PROZ: variants seen among roughly 807,000 people sequenced by gnomAD.
PROZ encodes the protein vitamin K-dependent protein Z.
In PROZ, 46 loss-of-function variants were observed where a neutral mutation model predicts 34.9. The ratio of observed to expected loss-of-function variants is 1.32; its 90% CI spans 1.04 to 1.69. PROZ has a LOEUF of 1.69. PROZ is among the 40% of genes most tolerant of loss of function. The probability of loss-of-function intolerance (pLI) is 0.00; values close to 1 mark genes in which losing one functional copy is unlikely to be tolerated. For missense variants in PROZ, 530 were observed against 520.4 expected (o/e 1.02, Z -0.18); for synonymous variants, 195 against 208.5 (o/e 0.94, Z 0.56).
chr13:113,163,996 T>C (rs999323510), intron 4 of PROZ, among the ~76,000 whole-genome samples: 2 of 151,980 alleles, frequency 1.3e-5, no homozygotes, highest in Admixed American at 1.3e-4. Context: ...TATTTTATTT[T>C]TGAGATGGAG....
chr13:113,165,108 C>G lies in PROZ; in HGVS notation c.561C>G (p.Asp187Glu), dbSNP rs780445721. ...TSEKRAPDLQ[D>E]LPWQVKLTNS... Reference sequence around the variant, plus strand: ...AGAAGCGTGCACCGGATCTACAGGACCTCCCGTGGCAGGTAACAGAGCGCT... The same window carrying G: ...AGAAGCGTGCACCGGATCTACAGGAGCTCCCGTGGCAGGTAACAGAGCGCT... Residue 187 changes from aspartate (D) to glutamate (E), a missense_variant, in exon 6 of 8, where the codon GAC (aspartate) becomes GAG (glutamate). Asp to Glu is a conservative substitution (Grantham distance 45). Coordinates refer to ENST00000375547, the MANE Select transcript of PROZ (RefSeq NM_003891.3). 4.3e-6 allele frequency: 7 copies of G among 1,611,848 alleles called. No homozygotes were observed. The highest frequency in any genetic ancestry group is 1.7e-5 in the Admixed American group (1 of 60,004).
intron 5 of PROZ, 129 bp downstream of exon 5, chr13:113,164,773 G>A: frequency 7.0e-7 from 1 of 1,427,912 alleles, no homozygotes. Flanking sequence ...TCAGAAGGTG[G>A]TCCGCGTCTC....
At chr13:113,163,260 A>G in intron 4 of PROZ, 138 bp downstream of exon 4, 1 of 750,696 alleles carries the variant, frequency 1.3e-6, no homozygotes, top group African/African-American at 1.7e-5. Flanking sequence ...GGCTCACCCC[A>G]GGGGATTCCT....
Position 113,171,640 on chromosome 13 carries a change from C to G in PROZ, c.738C>G (p.His246Gln). 6.2e-7 allele frequency: 1 copy of G among 1,614,144 alleles called. No homozygotes were observed. The highest frequency in any genetic ancestry group is 1.6e-4 in the Middle Eastern group (1 of 6,062). Residue 246 changes from histidine to glutamine, a missense_variant, in exon 8 of 8, where the codon CAC becomes CAG. Coordinates refer to ENST00000375547, the MANE Select transcript of PROZ (RefSeq NM_003891.3). This position sits in a 1 kb window ranked among gnomAD's most constrained non-coding sequence, Gnocchi z 5.1. ...ACCCGCTGATGATCAAGATAACGCA[C>G]GTCCATGTGCACATGCGGTATGACG... ...SQDPLMIKITHVHVHMRYDAD... is the reference protein window; with the variant it reads ...SQDPLMIKITQVHVHMRYDAD...
At chr13:113,164,108 T>C (rs2036840885) in intron 4 of PROZ, among the ~76,000 whole-genome samples, 1 of 151,830 alleles carries the variant, frequency 6.6e-6, no homozygotes, top group Non-Finnish European at 1.5e-5. Flanking sequence ...GCCTCCCGAG[T>C]AACTGGGACT....
chr13:113,172,366 T>C lies in PROZ; in HGVS notation c.*261T>C, dbSNP rs1044506472. On this transcript the variant is annotated 3_prime_UTR_variant, in exon 8 of 8. Transcript: ENST00000375547. ...AGATACGTTAAATAATAAAATAAGA[T>C]AATCTGTCAGTCATAAAGCAGCCTG... 2 of 502,516 alleles carry C rather than the reference T, an allele frequency of 4.0e-6. No homozygotes were observed. The highest frequency in any genetic ancestry group is 3.9e-5 in the African/African-American group (2 of 51,706). The allele number at this position is 502,516 out of a possible 1,614,324, so 31.1% of individuals were successfully genotyped here.
intron 3 of PROZ, 81 bp downstream of exon 3, chr13:113,161,053 C>A: frequency 7.9e-7 from 1 of 1,261,566 alleles, no homozygotes; most frequent in Non-Finnish European, 1.2e-6. Context: ...GCTTCACGAC[C>A]CCAGCTCAGC....
At position 113,160,143 on chromosome 13, in the gene PROZ, A is replaced by C. The variant is rs751892197; in HGVS notation, c.200A>C (p.Glu67Ala). ...TATGAAGAAATCTGTGTCTATGAAG[A>C]AGCAAGAGAAGTGTTTGAAAATGAA... ...ECYEEICVYE[E>A]AREVFENEVV... Residue 67 changes from glutamate to alanine, a missense_variant, in exon 2 of 8, where the codon GAA (glutamate) becomes GCA (alanine). Transcript: ENST00000375547. The C allele has an allele frequency of 8.7e-6, 14 of 1,614,174 alleles. No homozygotes were observed. Among genetic ancestry groups the C allele is most frequent in the Non-Finnish European group, 1.2e-5 (14 of 1,180,034 alleles).
chr13:113,160,920 G>A (rs2036747985), intron 2 of PROZ, 28 bp from the exon 3 acceptor site: 1 of 1,577,514 alleles, frequency 6.3e-7, no homozygotes, highest in Admixed American at 1.7e-5. Flanking sequence ...TATCCCATTT[G>A]TAACATTTTT....
rs757589143 is a variant in PROZ, at chr13:113,172,059, C to T, written c.1157C>T (p.Thr386Ile). The change falls in exon 8 of 8, where the codon ACC becomes ATC. Residue 386 changes from threonine (T) to isoleucine (I), a missense_variant. By Grantham distance (89) the Thr-to-Ile change is moderately conservative. Transcript: ENST00000375547. ...VGGQAHMVLV[T>I]KVSRYSLWFK... The stretch of plus-strand genomic sequence containing the variant: ...GGGCAGGCTCACATGGTCCTTGTCA[C>T]CAAGGTCTCCAGGTACTCACTCTGG... 9.7e-5 allele frequency: 156 copies of T among 1,612,930 alleles called. No homozygotes were observed. The highest frequency in any genetic ancestry group is 1.3e-4 in the Non-Finnish European group (151 of 1,180,026).
chr13:113,160,968 T>C lies in PROZ; in HGVS notation c.255T>C (p.Tyr85=), dbSNP rs3024723. The C allele has an allele frequency of 1.4e-3, 2,257 of 1,606,574 alleles. 35 individuals carry two copies. The African/African-American group carries it at 0.025, about 18-fold the overall frequency. The stretch of plus-strand genomic sequence containing the variant: ...TAAAGGATGAATTCTGGAGACGATA[T>C]AAGGGTAAGTGGTTTCCTTCGTCTC... ...EVVTDEFWRR[Y]KGGSPCISQP... is the part of the protein sequence containing the mutation. The change falls in exon 3 of 8, where the codon TAT becomes TAC. Residue 85 remains tyrosine (Y), a synonymous_variant. Coordinates refer to ENST00000375547, the MANE Select transcript of PROZ (RefSeq NM_003891.3).
Position 113,158,734 on chromosome 13 carries a change from G to A in PROZ, c.70+4G>A, listed in dbSNP as rs1236615248. 11 of 1,600,476 alleles carry A rather than the reference G, an allele frequency of 6.9e-6. No individual in the cohort carries two copies. Among genetic ancestry groups the A allele is most frequent in the Non-Finnish European group, 9.4e-6 (11 of 1,173,950 alleles). On this transcript the variant is annotated splice_donor_region_variant and intron_variant, in intron 1 of 7. Transcript: ENST00000375547. The surrounding 1 kb of genome is among the most constrained non-coding windows in gnomAD (Gnocchi z 4.3). ...CTCCATCGTGTGGAGCCCTCAGGTA[G>A]GCATCTGGCTTACCTGTCTGTTGTG...
intron 4 of PROZ, among the ~76,000 whole-genome samples, 154 bp downstream of exon 4, chr13:113,163,276 CCCAA>C (rs1175705022): frequency 6.6e-6 from 1 of 152,184 alleles, no homozygotes; most frequent in Non-Finnish European, 1.5e-5. Context: ...TTCCTCTCAT[CCCAA>C]CCAGATTCTC....
chr13:113,161,839 C>T (rs563562885), intron 3 of PROZ, among the ~76,000 whole-genome samples: 83 of 111,294 alleles, frequency 7.5e-4, no homozygotes, highest in African/African-American at 2.6e-3. Flanking sequence ...GTCCCTGCCA[C>T]GTCCCCCCAT....
At chr13:113,166,965 T>C (rs925751811) in intron 6 of PROZ, among the ~76,000 whole-genome samples, 2 of 152,216 alleles carry the variant, frequency 1.3e-5, no homozygotes, top group South Asian at 2.1e-4. Context: ...AGCTGGTGTG[T>C]TTAAGACAGA....
In PROZ at chr13:113,172,322, G is replaced by C; in HGVS notation, c.*217G>C. 1 of 604,964 alleles carries C rather than the reference G, an allele frequency of 1.7e-6. No individual in the cohort carries two copies. Among genetic ancestry groups the C allele is most frequent in the Non-Finnish European group, 2.9e-6 (1 of 343,998 alleles). 37.5% of individuals were successfully genotyped at this position (604,964 alleles called of 1,614,324 possible). Reference sequence around the variant, plus strand: ...CCCTGGAACTCTTTATCTCAATAGAGACCTTAAAAGAAAACATGAGATACG... The same window carrying C: ...CCCTGGAACTCTTTATCTCAATAGACACCTTAAAAGAAAACATGAGATACG... On this transcript the variant is annotated 3_prime_UTR_variant, in exon 8 of 8. Transcript: ENST00000375547.
At position 113,171,991 on chromosome 13, in the gene PROZ, C is replaced by T. The variant is rs777793894; in HGVS notation, c.1089C>T (p.Gly363=). Residue 363 remains glycine, a synonymous_variant, in exon 8 of 8, where the codon GGC becomes GGT. Coordinates refer to ENST00000375547, the MANE Select transcript of PROZ (RefSeq NM_003891.3). This position sits in a 1 kb window ranked among gnomAD's most constrained non-coding sequence, Gnocchi z 5.1. The part of the protein sequence containing the change: ...DGSVVTREHR[G]SWFLTGVLGS... The stretch of plus-strand genomic sequence containing the variant: ...GTGTGGTCACCAGAGAACACAGAGG[C>T]TCCTGGTTTCTCACGGGGGTCCTGG... The T allele has an allele frequency of 1.9e-6, 3 of 1,613,200 alleles. No individual in the cohort carries two copies. The African/African-American group carries it at 4.0e-5, about 22-fold the overall frequency.
At chr13:113,163,384 C>A (rs990209428) in intron 4 of PROZ, among the ~76,000 whole-genome samples, 8 of 152,226 alleles carry the variant, frequency 5.3e-5, no homozygotes, top group Admixed American at 2.0e-4. Flanking sequence ...TCTCCTCCCC[C>A]CACCACCTCA....
chr13:113,163,073 C>G lies in PROZ; in HGVS notation c.324C>G (p.Gly108=). Residue 108 remains glycine (G), a synonymous_variant, in exon 4 of 8, where the codon GGC becomes GGG. Transcript: ENST00000375547. ...GCTCTTGCCAGGACAGCATCTGGGGCTACACCTGCACCTGCTCCCCCGGCT... is the reference window on the plus strand; with the variant it reads ...GCTCTTGCCAGGACAGCATCTGGGGGTACACCTGCACCTGCTCCCCCGGCT... ...HNGSCQDSIW[G]YTCTCSPGYE... is the part of the protein sequence containing the mutation. 6.4e-7 allele frequency: 1 copy of G among 1,562,336 alleles called. No individual in the cohort carries two copies. Among genetic ancestry groups the G allele is most frequent in the East Asian group, 2.4e-5 (1 of 41,828 alleles).
Sources: allele counts gnomAD v4.1 joint callset (sites outside exome capture counted in the v4.1 genomes callset), GRCh38; gene constraint gnomAD v4.1.1; non-coding constraint Gnocchi (gnomAD v3.1); transcripts MANE v1.5; gene names NCBI Gene and HGNC (gene_info 2026-07-23, HGNC 2026-07-21).